Variants in SRGAP3 observed in about 807,000 individuals in gnomAD.
The protein encoded by SRGAP3 is SLIT-ROBO Rho GTPase activating protein 3.
In SRGAP3, 39 loss-of-function variants were observed where a neutral mutation model predicts 121.1. The observed-to-expected ratio is 0.32, with a 90% CI of 0.25 to 0.42. The LOEUF is 0.42. Among genes scored for constraint, SRGAP3 ranks in the 10% least tolerant of loss-of-function variants. The pLI is 1.00. For missense variants in SRGAP3, 1,213 were observed against 1,470.6 expected, an observed-to-expected ratio of 0.82 and a Z score of 2.86; for synonymous variants, 601 against 570.0, an observed-to-expected ratio of 1.05 and a Z score of -0.77.
Position 9,076,260 on chromosome 3 carries a change from G to C in SRGAP3, c.486+3765C>G, listed in dbSNP as rs536887039. Among the ~76,000 whole-genome samples, 25 of 152,312 alleles carry C rather than the reference G, an allele frequency of 1.6e-4. No homozygotes were observed. The South Asian group carries it at 5.2e-3, about 32-fold the overall frequency. On this transcript the variant is annotated intron_variant, in intron 4 of 21. Transcript: ENST00000383836. ...AAGTCACAGAGTTTCGAGGTAGTTT[G>C]TTACACAGCAACTGATAGCTGAAAC...
chr3:9,151,405 G>A (rs896864880), intron 1 of SRGAP3, among the ~76,000 whole-genome samples: 1 of 152,208 alleles, frequency 6.6e-6, no homozygotes, highest in African/African-American at 2.4e-5. Flanking sequence ...GCCAGACCAA[G>A]AAGGTCCCGA....
intron 1 of SRGAP3, among the ~76,000 whole-genome samples, chr3:9,219,729 T>C (rs534987676): frequency 1.3e-5 from 2 of 152,074 alleles, no homozygotes; most frequent in South Asian, 4.1e-4. Flanking sequence ...TGGGCACCTG[T>C]AGTCCCAGCT....
intron 1 of SRGAP3, among the ~76,000 whole-genome samples, chr3:9,228,460 A>C (rs1953074273): frequency 6.6e-6 from 1 of 152,184 alleles, no homozygotes; most frequent in Non-Finnish European, 1.5e-5. Flanking sequence ...CCAGAAAAAA[A>C]AGTAAGTTGA....
intron 3 of SRGAP3, chr3:9,325,900 G>A (rs962551097): frequency 2.6e-5 from 4 of 151,866 alleles, no homozygotes; most frequent in African/African-American, 9.7e-5. Flanking sequence ...AAATATTCAA[G>A]GATAAGAATC....
At chr3:9,279,128 T>C (rs2125264323) in intron 3 of SRGAP3, among the ~76,000 whole-genome samples, 1 of 152,180 alleles carries the variant, frequency 6.6e-6, no homozygotes, top group South Asian at 2.1e-4. Flanking sequence ...GGGGGGGATA[T>C]ATCCAATACC....
chr3:9,101,394 C>T (rs1285817984), intron 3 of SRGAP3, among the ~76,000 whole-genome samples: 1 of 152,196 alleles, frequency 6.6e-6, no homozygotes, highest in Admixed American at 6.5e-5. Flanking sequence ...CCCGGCCTGG[C>T]GAGGCAGAGC....
At chr3:9,111,315 A>T (rs1575089309) in intron 2 of SRGAP3, among the ~76,000 whole-genome samples, 1 of 152,210 alleles carries the variant, frequency 6.6e-6, no homozygotes, top group African/African-American at 2.4e-5. Context: ...TCCCCAAGGA[A>T]GAGGTCATTA....
intron 1 of SRGAP3, among the ~76,000 whole-genome samples, chr3:9,133,080 A>G (rs1049335261): frequency 6.7e-6 from 1 of 150,012 alleles, no homozygotes; most frequent in Non-Finnish European, 1.5e-5. Flanking sequence ...GAATATCTAT[A>G]TATAGAATTT....
Position 8,983,376 on chromosome 3 carries a change from CT to C in SRGAP3, c.*2142del, listed in dbSNP as rs1300904375. On this transcript the variant is annotated 3_prime_UTR_variant, in exon 22 of 22. Transcript: ENST00000383836. The stretch of plus-strand genomic sequence containing the variant: ...TGACACTGGCCTCTCCCTGAGATCC[CT>C]TTTTTTGTTCCTCTCCTGATGCTCC... The C allele has an allele frequency of 8.7e-6, 2 of 229,748 alleles. No individual in the cohort carries two copies. Among genetic ancestry groups the C allele is most frequent in the East Asian group, 6.2e-5 (1 of 16,116 alleles). The allele number at this position is 229,748 out of a possible 1,614,324, so 14.2% of individuals were successfully genotyped here. A position where few individuals can be genotyped will look rare whatever the true frequency, so the allele number is the denominator to read the frequency against.
intron 1 of SRGAP3, among the ~76,000 whole-genome samples, chr3:9,191,268 G>A (rs1490321076): frequency 6.6e-6 from 1 of 152,196 alleles, no homozygotes; most frequent in Non-Finnish European, 1.5e-5. Flanking sequence ...AAACATTGGA[G>A]AGAAAAAGCT....
intron 1 of SRGAP3, among the ~76,000 whole-genome samples, chr3:9,245,672 G>A (rs976211755): frequency 1.3e-5 from 2 of 152,102 alleles, no homozygotes; most frequent in Non-Finnish European, 2.9e-5. Context: ...ACCTATGATC[G>A]TAGCACTTTG....
At chr3:9,142,745 T>C (rs1949897009) in intron 1 of SRGAP3, among the ~76,000 whole-genome samples, 1 of 151,472 alleles carries the variant, frequency 6.6e-6, no homozygotes, top group Non-Finnish European at 1.5e-5. Context: ...GGACTTAAAT[T>C]CTGCAGAAAG....
At chr3:9,250,825 C>T (rs1204947145), upstream of SRGAP3, among the ~76,000 whole-genome samples, 1 of 152,132 alleles carries the variant, frequency 6.6e-6, no homozygotes, top group Non-Finnish European at 1.5e-5. Flanking sequence ...ACAAGGGAGA[C>T]CAAACCCATT....
chr3:9,032,619 T>C, intron 12 of SRGAP3, 31 bp downstream of exon 12: 1 of 1,598,296 alleles, frequency 6.3e-7, no homozygotes. Flanking sequence ...ATTGGGTGCA[T>C]TCGCGGACTC....
At chr3:9,092,429 T>C (rs1947796681) in intron 3 of SRGAP3, among the ~76,000 whole-genome samples, 1 of 152,218 alleles carries the variant, frequency 6.6e-6, no homozygotes, top group Admixed American at 6.5e-5. Context: ...TCTTAGCACG[T>C]GCCAAGCACA....
At chr3:9,214,371 G>A (rs560012362) in intron 1 of SRGAP3, among the ~76,000 whole-genome samples, 3 of 152,286 alleles carry the variant, frequency 2.0e-5, no homozygotes, top group African/African-American at 7.2e-5. Flanking sequence ...CAGTGATTCA[G>A]AAAGCCCAAG....
At chr3:9,019,188 G>A (rs547772728) in intron 14 of SRGAP3, among the ~76,000 whole-genome samples, 2 of 152,288 alleles carry the variant, frequency 1.3e-5, no homozygotes, top group Non-Finnish European at 2.9e-5. Context: ...TTGTGTTTTT[G>A]TATGCACAGA....
intron 1 of SRGAP3, among the ~76,000 whole-genome samples, chr3:9,132,127 T>G (rs555711824): frequency 6.6e-6 from 1 of 152,204 alleles, no homozygotes; most frequent in Non-Finnish European, 1.5e-5. Flanking sequence ...CCATTTTAGG[T>G]TTACCAAAAA....
intron 9 of SRGAP3, among the ~76,000 whole-genome samples, chr3:9,047,772 G>T (rs1945362539): frequency 6.6e-6 from 1 of 152,212 alleles, no homozygotes; most frequent in Non-Finnish European, 1.5e-5. Context: ...CCTTTGTCAG[G>T]TAAGGGCCAC....
Sources: allele counts gnomAD v4.1 joint callset (sites outside exome capture counted in the v4.1 genomes callset), GRCh38; gene constraint gnomAD v4.1.1; transcripts MANE v1.5; gene names NCBI Gene and HGNC (gene_info 2026-07-23, HGNC 2026-07-21).